Variants in MTA3 observed in about 807,000 individuals in gnomAD.
The protein encoded by MTA3 is metastasis associated 1 family member 3, also known as metastasis-associated protein MTA3.
Under a neutral mutation model 83.5 loss-of-function variants are expected in MTA3, and 34 were observed. That is an observed-to-expected ratio of 0.41 (90% CI 0.31 to 0.54). MTA3 has a LOEUF of 0.54. Among genes scored for constraint, MTA3 ranks in the 20% least tolerant of loss-of-function variants. The pLI, the probability that MTA3 is intolerant of heterozygous loss-of-function variation, is 0.33. For synonymous variants in MTA3, 303 were observed against 252.7 expected (o/e 1.20, Z -1.89); for missense variants, 761 against 726.4 (o/e 1.05, Z -0.55).
intron 2 of MTA3, among the ~76,000 whole-genome samples, chr2:42,513,703 G>T (rs1675002506): frequency 6.6e-6 from 1 of 152,234 alleles, no homozygotes; most frequent in Non-Finnish European, 1.5e-5. Flanking sequence ...AGACCCACTT[G>T]TCCTGAAGCC....
At chr2:42,512,923 C>A (rs1029320216) in intron 2 of MTA3, among the ~76,000 whole-genome samples, 1 of 152,158 alleles carries the variant, frequency 6.6e-6, no homozygotes, top group Non-Finnish European at 1.5e-5. Flanking sequence ...CTGAGACATC[C>A]TCTACTTACA....
chr2:42,676,883 G>A (rs866475437), intron 8 of MTA3, among the ~76,000 whole-genome samples: 2 of 152,080 alleles, frequency 1.3e-5, no homozygotes, highest in African/African-American at 2.4e-5. Context: ...AATTGTTTAT[G>A]GGATTATTAA....
At chr2:42,727,802 T>A (rs966298892) in intron 16 of MTA3, among the ~76,000 whole-genome samples, 1 of 152,164 alleles carries the variant, frequency 6.6e-6, no homozygotes, top group South Asian at 2.1e-4. Context: ...TGTGCTTTAT[T>A]TTTTAATTTT....
chr2:42,554,511 G>T (rs1454762759), intron 2 of MTA3, among the ~76,000 whole-genome samples: 1 of 152,170 alleles, frequency 6.6e-6, no homozygotes, highest in Non-Finnish European at 1.5e-5. Flanking sequence ...AAGGAAAAGG[G>T]CACTTGTTCA....
At chr2:42,572,720 G>A (rs1285624630) in intron 2 of MTA3, among the ~76,000 whole-genome samples, 1 of 151,944 alleles carries the variant, frequency 6.6e-6, no homozygotes, top group African/African-American at 2.4e-5. Flanking sequence ...AGAAACTTTT[G>A]TTTTGTTTTG....
chr2:42,617,074 T>G (rs946648176), intron 4 of MTA3, among the ~76,000 whole-genome samples: 3 of 152,160 alleles, frequency 2.0e-5, no homozygotes, highest in African/African-American at 7.2e-5. Context: ...CAAAACCAAT[T>G]TAAGAGCAAT....
At chr2:42,744,264 T>A (rs1669245087) in intron 16 of MTA3, among the ~76,000 whole-genome samples, 1 of 152,112 alleles carries the variant, frequency 6.6e-6, no homozygotes, top group Non-Finnish European at 1.5e-5. Context: ...AACAACTTAG[T>A]GTTTTAGAAT....
At chr2:42,511,022 C>G (rs115547838) in intron 2 of MTA3, among the ~76,000 whole-genome samples, 46 of 152,294 alleles carry the variant, frequency 3.0e-4, no homozygotes, top group African/African-American at 9.9e-4. Context: ...ACCTGCTGTT[C>G]TTACCCTTCT....
At chr2:42,732,944 C>G (rs2099707) in intron 16 of MTA3, among the ~76,000 whole-genome samples, 83,904 of 152,026 alleles carry the variant, frequency 0.55, 23,865 homozygotes, top group East Asian at 0.69. Flanking sequence ...ACCTTTTTGT[C>G]CATATCACTA....
Position 42,637,384 on chromosome 2 carries a change from C to A in MTA3, c.318-2789C>A, listed in dbSNP as rs554275067. ...ATGATTAGGTTCATTGCTTGAGACT[C>A]AGTATAAATTGCCTATGGTATCTGT... On this transcript the variant is annotated intron_variant, in intron 4 of 16. Transcript: ENST00000405094. 3.9e-5 allele frequency among the ~76,000 whole-genome samples: 6 copies of A among 152,266 alleles called. No individual in the cohort carries two copies. In the East Asian group the frequency reaches 1.2e-3, roughly 29 times the overall value.
chr2:42,582,194 A>T (rs1008927213), intron 3 of MTA3, among the ~76,000 whole-genome samples: 1 of 152,146 alleles, frequency 6.6e-6, no homozygotes, highest in Admixed American at 6.5e-5. Context: ...AGAAGCTGGG[A>T]CTACAGGCGC....
intron 6 of MTA3, among the ~76,000 whole-genome samples, chr2:42,649,271 C>T (rs1287058890): frequency 6.6e-6 from 1 of 151,984 alleles, no homozygotes; most frequent in Non-Finnish European, 1.5e-5. Flanking sequence ...GTGGCGGGTG[C>T]CTGTAATCTC....
intron 4 of MTA3, among the ~76,000 whole-genome samples, chr2:42,630,405 C>G (rs757479389): frequency 6.6e-6 from 1 of 152,176 alleles, no homozygotes; most frequent in Non-Finnish European, 1.5e-5. Flanking sequence ...TGTCTGTCTC[C>G]TGCACAGTCC....
intron 14 of MTA3, among the ~76,000 whole-genome samples, chr2:42,717,878 A>T (rs1415678680): frequency 6.6e-6 from 1 of 152,162 alleles, no homozygotes; most frequent in Non-Finnish European, 1.5e-5. Flanking sequence ...AGCAGCTGTC[A>T]TTTATCTTCC....
intron 4 of MTA3, among the ~76,000 whole-genome samples, chr2:42,618,418 C>T (rs1253235166): frequency 6.6e-6 from 1 of 152,022 alleles, no homozygotes; most frequent in Non-Finnish European, 1.5e-5. Flanking sequence ...TGAATATGTT[C>T]ATTTTGCTGT....
rs1047583289 is a variant in MTA3 at position 42,664,528 on chromosome 2, C to T, written c.702+4666C>T. Among the ~76,000 whole-genome samples the T allele has an allele frequency of 3.3e-5, 4 of 121,198 alleles. No individual in the cohort carries two copies. The Admixed American group carries it at 3.5e-4, about 10-fold the overall frequency. 79.5% of individuals were successfully genotyped at this position (121,198 alleles called of 152,430 possible). On this transcript the variant is annotated intron_variant, in intron 8 of 16. Coordinates refer to ENST00000405094, the MANE Select transcript of MTA3 (RefSeq NM_001330442.2). ...TTGCTCTGTTGCCCAGGCTGGAGTG[C>T]AGTGGCGTGATCTTGGCTCACTGCA...
In MTA3 at chr2:42,609,574, A is replaced by G; in HGVS notation, c.307A>G (p.Thr103Ala). Residue 103 changes from threonine (T) to alanine (A), a missense_variant, in exon 4 of 17, where the codon ACA becomes GCA. Thr to Ala is a moderately conservative substitution (Grantham distance 58). Coordinates refer to ENST00000405094, the MANE Select transcript of MTA3 (RefSeq NM_001330442.2). ...LSRQYESLPA[T>A]HIRGKCSVAL... ...ACGCCAGTATGAATCTCTGCCCGCA[A>G]CACATATCAGGTAAGAACTTTTTAG... 3 of 1,613,628 alleles carry G rather than the reference A, an allele frequency of 1.9e-6. No homozygotes were observed. Among genetic ancestry groups the G allele is most frequent in the Non-Finnish European group, 2.5e-6 (3 of 1,179,656 alleles).
intron 6 of MTA3, among the ~76,000 whole-genome samples, chr2:42,644,726 A>G (rs1558537326): frequency 6.6e-6 from 1 of 152,120 alleles, no homozygotes; most frequent in Non-Finnish European, 1.5e-5. Flanking sequence ...CATTATTATA[A>G]TATCTGTTAT....
chr2:42,647,568 A>T (rs941138397), intron 6 of MTA3, among the ~76,000 whole-genome samples: 3 of 149,712 alleles, frequency 2.0e-5, no homozygotes, highest in African/African-American at 7.3e-5. Context: ...CAGTCTTGGA[A>T]TGTTTTAACC....
Sources: allele counts gnomAD v4.1 joint callset (sites outside exome capture counted in the v4.1 genomes callset), GRCh38; gene constraint gnomAD v4.1.1; transcripts MANE v1.5; gene names NCBI Gene and HGNC (gene_info 2026-07-23, HGNC 2026-07-21).